Variants in ERICH1 observed in about 807,000 individuals in gnomAD.
The protein encoded by ERICH1 is glutamate-rich protein 1.
In ERICH1, 56 loss-of-function variants were observed where a neutral mutation model predicts 39.6. That is an observed-to-expected ratio of 1.41 (90% CI 1.14 to 1.77). The LOEUF (loss-of-function observed/expected upper bound fraction) is 1.77, where lower values mean the gene tolerates loss of function less well. ERICH1 is among the 40% of genes most tolerant of loss of function. The pLI, the probability that ERICH1 is intolerant of heterozygous loss-of-function variation, is 0.00. For synonymous variants in ERICH1, 313 were observed against 223.6 expected (o/e 1.40, Z -3.57); for missense variants, 826 against 575.4 (o/e 1.44, Z -4.45).
chr8:653,036 G>T (rs1353065408), intron 3 of ERICH1, among the ~76,000 whole-genome samples: 1 of 152,202 alleles, frequency 6.6e-6, no homozygotes, highest in East Asian at 1.9e-4. Context: ...GGAAGACGGG[G>T]TAGAAATTCC....
In ERICH1 at chr8:668,597, C is replaced by A; in HGVS notation, c.1258+1G>T. The A allele has an allele frequency of 2.5e-6, 4 of 1,614,186 alleles. No homozygotes were observed. Among genetic ancestry groups the A allele is most frequent in the Non-Finnish European group, 3.4e-6 (4 of 1,180,024 alleles). Reference sequence around the variant, plus strand: ...CCTTGAATAAATCGTACGGTACTTACCAGGAGGCATCGTGCAATGTTCTGG... The same window carrying A: ...CCTTGAATAAATCGTACGGTACTTAACAGGAGGCATCGTGCAATGTTCTGG... On this transcript the variant is annotated splice_donor_variant, in intron 5 of 5. Coordinates refer to ENST00000262109, the MANE Select transcript of ERICH1 (RefSeq NM_207332.3). LOFTEE classifies it high-confidence loss of function.
chr8:633,103 G>C (rs367798453), intron 3 of ERICH1, among the ~76,000 whole-genome samples: 1 of 151,036 alleles, frequency 6.6e-6, no homozygotes, highest in Non-Finnish European at 1.5e-5. Flanking sequence ...AACCAGTGTG[G>C]AAACCAGTGT....
At chr8:618,874 G>T (rs1386623672) in intron 3 of ERICH1, among the ~76,000 whole-genome samples, 2 of 152,120 alleles carry the variant, frequency 1.3e-5, no homozygotes, top group Non-Finnish European at 2.9e-5. Context: ...AAAGGTAGAG[G>T]ACACAGCTGC....
At chr8:693,527 C>G (rs944176736) in intron 2 of ERICH1, among the ~76,000 whole-genome samples, 6 of 152,246 alleles carry the variant, frequency 3.9e-5, no homozygotes, top group African/African-American at 1.4e-4. Flanking sequence ...AACCTCCCCG[C>G]TGTATGCTCC....
chr8:627,381 G>C (rs547767186), intron 3 of ERICH1: 7 of 362,842 alleles, frequency 1.9e-5, no homozygotes, highest in Admixed American at 6.7e-5. Flanking sequence ...ACCTCACTGA[G>C]AGCCTCGACT....
chr8:651,060 CG>C (rs1257143496), intron 3 of ERICH1, among the ~76,000 whole-genome samples: 1 of 152,212 alleles, frequency 6.6e-6, no homozygotes, highest in African/African-American at 2.4e-5. Flanking sequence ...AAGGAAGATG[CG>C]TTGTTGGGGA....
At chr8:695,087 C>T (rs1463940532) in intron 2 of ERICH1, among the ~76,000 whole-genome samples, 1 of 150,358 alleles carries the variant, frequency 6.7e-6, no homozygotes, top group Non-Finnish European at 1.5e-5. Flanking sequence ...TCACCAGTGT[C>T]ACCTCTTCGC....
chr8:708,300 G>A (rs987982770), intron 2 of ERICH1, among the ~76,000 whole-genome samples: 1 of 152,126 alleles, frequency 6.6e-6, no homozygotes, highest in African/African-American at 2.4e-5. Context: ...AAACTCAAGA[G>A]AATCGAAAAC....
At chr8:705,302 G>A (rs996619694) in intron 2 of ERICH1, among the ~76,000 whole-genome samples, 2 of 152,346 alleles carry the variant, frequency 1.3e-5, no homozygotes, top group African/African-American at 4.8e-5. Flanking sequence ...CCTCCTGGAC[G>A]TGCATCTCAA....
intron 1 of ERICH1, among the ~76,000 whole-genome samples, chr8:719,755 T>C (rs1054573746): frequency 6.6e-6 from 1 of 152,220 alleles, no homozygotes; most frequent in African/African-American, 2.4e-5. Context: ...TATTGAATTA[T>C]TACCTTTGTG....
downstream of ERICH1, among the ~76,000 whole-genome samples, chr8:660,521 G>A (rs765653877): frequency 1.3e-5 from 2 of 152,216 alleles, no homozygotes; most frequent in Non-Finnish European, 2.9e-5. Flanking sequence ...CATTCTGCTG[G>A]CGGCCCGTGA....
chr8:689,388 G>A (rs1461491945), intron 3 of ERICH1, among the ~76,000 whole-genome samples: 1 of 152,248 alleles, frequency 6.6e-6, no homozygotes, highest in Non-Finnish European at 1.5e-5. Context: ...TGGAATTACA[G>A]GCGTGAGCCA....
chr8:624,317 G>T (rs34366638), intron 3 of ERICH1, among the ~76,000 whole-genome samples: 2 of 152,024 alleles, frequency 1.3e-5, no homozygotes, highest in African/African-American at 4.8e-5. Flanking sequence ...TTCCTGATAA[G>T]GATGTGAGAT....
intron 3 of ERICH1, among the ~76,000 whole-genome samples, chr8:635,729 C>T (rs1019247876): frequency 1.2e-4 from 18 of 152,214 alleles, no homozygotes; most frequent in Non-Finnish European, 2.1e-4. Context: ...TGTGAGCACA[C>T]TTGTCACCAT....
At chr8:705,870 G>C (rs1303656177) in intron 2 of ERICH1, among the ~76,000 whole-genome samples, 3 of 152,188 alleles carry the variant, frequency 2.0e-5, no homozygotes, top group African/African-American at 7.2e-5. Flanking sequence ...GGAGCCTTAA[G>C]ATAATGCGGA....
At chr8:718,336 T>C (rs1388318148) in intron 1 of ERICH1, among the ~76,000 whole-genome samples, 1 of 152,034 alleles carries the variant, frequency 6.6e-6, no homozygotes, top group Non-Finnish European at 1.5e-5. Context: ...TGAGGCAGAT[T>C]TCGGAGCTAA....
intron 2 of ERICH1, among the ~76,000 whole-genome samples, chr8:708,689 T>TTTGTTTTTTTG (rs1554526241): frequency 1.2e-3 from 43 of 36,350 alleles, no homozygotes; most frequent in Non-Finnish European, 2.8e-3. Context: ...GAGTTTTTTT[T>TTTGTTTTTTTG]TTTTTTTTTT....
downstream of ERICH1, among the ~76,000 whole-genome samples, chr8:661,736 T>A (rs1356168164): frequency 6.6e-6 from 1 of 152,246 alleles, no homozygotes; most frequent in Non-Finnish European, 1.5e-5. Flanking sequence ...GGAATCAGAA[T>A]GATACACAAA....
At chr8:661,817 G>C (rs2131750373), downstream of ERICH1, among the ~76,000 whole-genome samples, 1 of 152,360 alleles carries the variant, frequency 6.6e-6, no homozygotes, top group South Asian at 2.1e-4. Flanking sequence ...GGTCAGGAAA[G>C]TGAATGCAGA....
Sources: allele counts gnomAD v4.1 joint callset (sites outside exome capture counted in the v4.1 genomes callset), GRCh38; gene constraint gnomAD v4.1.1; transcripts MANE v1.5; gene names NCBI Gene and HGNC (gene_info 2026-07-23, HGNC 2026-07-21).